CFAP206: variants seen among roughly 807,000 people sequenced by gnomAD.
CFAP206 encodes the protein cilia and flagella associated protein 206, also known as cilia- and flagella-associated protein 206.
A neutral mutation model predicts 65.4 loss-of-function variants in CFAP206; 53 were observed. That is an observed-to-expected ratio of 0.81 (90% confidence interval 0.65 to 1.02). The LOEUF is 1.02. Ranked by LOEUF, CFAP206 falls within the 50% of genes least tolerant of loss-of-function variation. The pLI, the probability that CFAP206 is intolerant of heterozygous loss-of-function variation, is 0.00. For missense variants in CFAP206, 663 were observed against 753.2 expected (o/e 0.88, Z 1.40); for synonymous variants, 250 against 254.4 (o/e 0.98, Z 0.17).
chr6:87,429,883 A>C (rs1388848759), intron 9 of CFAP206, among the ~76,000 whole-genome samples: 1 of 152,202 alleles, frequency 6.6e-6, no homozygotes, highest in African/African-American at 2.4e-5. Context: ...ATATCCTTTC[A>C]GTTCAAGTTT....
intron 11 of CFAP206, among the ~76,000 whole-genome samples, chr6:87,453,657 G>C (rs1332557017): frequency 6.6e-6 from 1 of 152,074 alleles, no homozygotes; most frequent in Non-Finnish European, 1.5e-5. Context: ...TCAGAGTTAA[G>C]TTTTCATCAG....
intron 11 of CFAP206, among the ~76,000 whole-genome samples, chr6:87,438,012 A>G (rs960490666): frequency 2.6e-5 from 4 of 151,690 alleles, no homozygotes; most frequent in Non-Finnish European, 5.9e-5. Context: ...TTGTCAATCT[A>G]TATAACAGAT....
At chr6:87,445,182 A>G in intron 11 of CFAP206, 1 of 275,654 alleles carries the variant, frequency 3.6e-6, no homozygotes, top group Non-Finnish European at 7.0e-6. Flanking sequence ...TTTCTTTTTT[A>G]TTTTTAAAAT....
intron 10 of CFAP206, among the ~76,000 whole-genome samples, chr6:87,434,246 G>T (rs1273988206): frequency 1.3e-5 from 2 of 151,976 alleles, no homozygotes; most frequent in African/African-American, 2.4e-5. Flanking sequence ...TACAAAAAAG[G>T]TTAGCTAGGT....
rs200437305 is a variant in CFAP206 at position 87,418,334 on chromosome 6, T to A, written c.758T>A (p.Met253Lys). 1 of 1,614,004 alleles carries A rather than the reference T, an allele frequency of 6.2e-7. No individual in the cohort carries two copies. The highest frequency in any genetic ancestry group is 8.5e-7 in the Non-Finnish European group (1 of 1,180,020). Residue 253 changes from methionine (M) to lysine (K), a missense_variant, in exon 7 of 13, where the codon ATG (methionine) becomes AAG (lysine). Physicochemically the swap from Met to Lys is moderately conservative, Grantham distance 95. Transcript: ENST00000369562. Reference sequence around the variant, plus strand: ...GAGAAGGCAGCCAACGACCCACTCATGAGGGCTGAACTTCAGCCATATATG... The same window carrying A: ...GAGAAGGCAGCCAACGACCCACTCAAGAGGGCTGAACTTCAGCCATATATG... The part of the protein sequence containing the change: ...ILEKAANDPL[M>K]RAELQPYMLK...
chr6:87,460,330 A>G (rs1313584667), intron 11 of CFAP206, among the ~76,000 whole-genome samples: 1 of 152,226 alleles, frequency 6.6e-6, no homozygotes, highest in Admixed American at 6.5e-5. Flanking sequence ...CCTGCTATGT[A>G]TGCATAGCTT....
intron 8 of CFAP206, among the ~76,000 whole-genome samples, 174 bp from the exon 9 acceptor site, chr6:87,428,452 C>G (rs1355155980): frequency 1.3e-5 from 2 of 152,036 alleles, no homozygotes; most frequent in Non-Finnish European, 2.9e-5. Flanking sequence ...AGTTTATTTT[C>G]TCATAATTTA....
rs752738302 is a variant in CFAP206, at chr6:87,416,790, CAG to C, written c.598_599del (p.Asp200LeufsTer9). On this transcript the variant is annotated frameshift_variant, in exon 6 of 13. Coordinates refer to ENST00000369562, the MANE Select transcript of CFAP206 (RefSeq NM_001031743.3). LOFTEE classifies it high-confidence loss of function. ...MIVTGIRLFN[R>X]DCGKGGEGID... The stretch of plus-strand genomic sequence containing the variant: ...TTGTTACTGGAATTCGTTTATTTAA[CAG>C]AGACTGTGGAAAAGGAGGAGAAGGC... 6 of 1,613,770 alleles carry C rather than the reference CAG, an allele frequency of 3.7e-6. No individual in the cohort carries two copies. Among genetic ancestry groups the C allele is most frequent in the Non-Finnish European group, 5.1e-6 (6 of 1,179,808 alleles).
Position 87,426,587 on chromosome 6 carries a change from T to G in CFAP206, c.902T>G (p.Leu301Arg), listed in dbSNP as rs201901468. 3 of 1,602,418 alleles carry G rather than the reference T, an allele frequency of 1.9e-6. No individual in the cohort carries two copies. The East Asian group carries it at 6.8e-5, about 36-fold the overall frequency. ...ATGACAAAACAGTTAGGAGCCCATC[T>G]GGAACAACTAAAAATGACCATAAAA... ...EMMTKQLGAH[L>R]EQLKMTIKSK... Residue 301 changes from leucine to arginine, a missense_variant, in exon 8 of 13, where the codon CTG becomes CGG. Physicochemically the swap from Leu to Arg is moderately radical, Grantham distance 102. Transcript: ENST00000369562.
At chr6:87,460,887 G>A (rs1369472610) in intron 11 of CFAP206, 135 bp from the exon 12 acceptor site, 2 of 607,310 alleles carry the variant, frequency 3.3e-6, no homozygotes, top group Non-Finnish European at 5.4e-6. Flanking sequence ...TTTCTTTATT[G>A]GTATTTACAA....
At chr6:87,409,988 G>A (rs755421714) in intron 2 of CFAP206, 41 bp downstream of exon 2, 10 of 1,388,474 alleles carry the variant, frequency 7.2e-6, no homozygotes, top group Non-Finnish European at 1.0e-5. Context: ...TTATTAAGAG[G>A]TTTTTTAAGA....
intron 4 of CFAP206, among the ~76,000 whole-genome samples, chr6:87,414,787 G>A (rs930591008): frequency 6.6e-6 from 1 of 152,082 alleles, no homozygotes; most frequent in Non-Finnish European, 1.5e-5. Context: ...CTCTTTGTTA[G>A]TTTCAGTTAT....
intron 9 of CFAP206, 138 bp downstream of exon 9, chr6:87,428,962 C>G: frequency 1.1e-6 from 1 of 885,446 alleles, no homozygotes; most frequent in Non-Finnish European, 1.7e-6. Context: ...TAATGAGGGC[C>G]GGGTGTGGTG....
intron 11 of CFAP206, among the ~76,000 whole-genome samples, chr6:87,454,490 G>A (rs979550706): frequency 3.3e-5 from 5 of 152,110 alleles, no homozygotes; most frequent in Non-Finnish European, 7.4e-5. Context: ...GGCCACAAAA[G>A]AAATCTTAAA....
At chr6:87,410,500 G>T in intron 2 of CFAP206, 85 bp from the exon 3 acceptor site, 1 of 1,035,164 alleles carries the variant, frequency 9.7e-7, no homozygotes, top group Admixed American at 1.9e-5. Context: ...TTTAAAAAAT[G>T]GAAACATATT....
At chr6:87,446,842 A>T (rs191676472) in intron 11 of CFAP206, among the ~76,000 whole-genome samples, 1 of 152,234 alleles carries the variant, frequency 6.6e-6, no homozygotes, top group East Asian at 1.9e-4. Context: ...ATGTTTTTCC[A>T]TTCGTTTGTG....
chr6:87,429,976 T>G (rs1371486004), intron 9 of CFAP206, among the ~76,000 whole-genome samples: 1 of 152,158 alleles, frequency 6.6e-6, no homozygotes, highest in Non-Finnish European at 1.5e-5. Flanking sequence ...TCTCCAACAG[T>G]GTATATTAAG....
intron 7 of CFAP206, among the ~76,000 whole-genome samples, chr6:87,422,991 C>T (rs1433402473): frequency 6.6e-6 from 1 of 151,722 alleles, no homozygotes; most frequent in Non-Finnish European, 1.5e-5. Context: ...GGTGCAATCT[C>T]GGTTTACCTC....
intron 5 of CFAP206, among the ~76,000 whole-genome samples, 193 bp downstream of exon 5, chr6:87,416,067 G>A (rs549723571): frequency 6.6e-6 from 1 of 151,644 alleles, no homozygotes; most frequent in East Asian, 1.9e-4. Context: ...AACTCAAGTA[G>A]CACCTCTAGA....
Sources: gnomAD v4.1 joint callset for allele counts (sites outside exome capture counted in the v4.1 genomes callset) on GRCh38, gnomAD v4.1.1 for gene constraint, MANE v1.5 for transcripts, NCBI Gene and HGNC (gene_info 2026-07-23, HGNC 2026-07-21) for gene names.